Variants in LRRIQ1 observed in about 807,000 individuals in gnomAD.
LRRIQ1 encodes the protein leucine rich repeats and IQ motif containing 1.
LRRIQ1 carries 210 observed loss-of-function variants against 211.9 expected under a neutral mutation model. That is an observed-to-expected ratio of 0.99 (90% CI 0.89 to 1.11). The LOEUF (loss-of-function observed/expected upper bound fraction) is 1.11, where lower values mean the gene tolerates loss of function less well. LRRIQ1 is among the 50% of genes most tolerant of loss of function. The pLI, the probability that LRRIQ1 is intolerant of heterozygous loss-of-function variation, is 0.00. For missense variants in LRRIQ1, 2,136 were observed against 1,939.5 expected, an observed-to-expected ratio of 1.10 and a Z score of -1.90; for synonymous variants, 699 against 650.1, an observed-to-expected ratio of 1.08 and a Z score of -1.14.
chr12:85,075,858 C>CA (rs547104902), intron 11 of LRRIQ1, among the ~76,000 whole-genome samples: 8,608 of 142,796 alleles, frequency 0.06, 825 homozygotes, highest in African/African-American at 0.2. Context: ...GTCTCAAAAA[C>CA]AAAAAAAAAA....
chr12:85,046,601 T>C (rs1879615627), intron 5 of LRRIQ1, among the ~76,000 whole-genome samples: 1 of 152,216 alleles, frequency 6.6e-6, no homozygotes, highest in Admixed American at 6.5e-5. Flanking sequence ...TTAAGATTCC[T>C]CAAGGATCTA....
At chr12:85,221,206 T>C (rs1215560836) in intron 24 of LRRIQ1, among the ~76,000 whole-genome samples, 31 of 152,142 alleles carry the variant, frequency 2.0e-4, no homozygotes, top group Non-Finnish European at 1.6e-4. Flanking sequence ...AATAATTAAA[T>C]TAATCATGTT....
intron 24 of LRRIQ1, among the ~76,000 whole-genome samples, chr12:85,161,822 C>T (rs1292119068): frequency 6.6e-6 from 1 of 152,050 alleles, no homozygotes; most frequent in Non-Finnish European, 1.5e-5. Context: ...AGACAGATCA[C>T]GAGATCAGGA....
At chr12:85,216,608 T>G (rs1894101256) in intron 24 of LRRIQ1, among the ~76,000 whole-genome samples, 2 of 151,714 alleles carry the variant, frequency 1.3e-5, no homozygotes, top group African/African-American at 4.8e-5. Flanking sequence ...CAAAACAAAA[T>G]CATTGAAAAT....
intron 1 of LRRIQ1, among the ~76,000 whole-genome samples, chr12:85,256,229 A>G (rs536318250): frequency 2.0e-5 from 3 of 151,870 alleles, no homozygotes; most frequent in Non-Finnish European, 3.0e-5. Flanking sequence ...TTTATTCTTT[A>G]TTAAAAATTT....
intron 26 of LRRIQ1, among the ~76,000 whole-genome samples, chr12:85,237,455 T>A (rs1895242247): frequency 6.6e-6 from 1 of 151,962 alleles, no homozygotes; most frequent in African/African-American, 2.4e-5. Flanking sequence ...GTTGCAAAAA[T>A]TGGTATAGTG....
the LRRIQ1 span, among the ~76,000 whole-genome samples, chr12:85,270,739 A>G: frequency 1.4e-3 from 213 of 152,254 alleles, no homozygotes; most frequent in African/African-American, 4.7e-3. Context: ...AATGCTTTAG[A>G]TACATTAACT....
At position 85,056,609 on chromosome 12, in the gene LRRIQ1, G is replaced by A. The variant is rs1177408419; in HGVS notation, c.1816G>A (p.Val606Ile). The part of the protein sequence containing the change: ...GLLYKDKDTL[V>I]ISVKQRSLSL... ...ATTATATAAAGATAAGGATACTTTAGTTATTTCAGTGAAACAAAGATCACT... is the reference window on the plus strand; with the variant it reads ...ATTATATAAAGATAAGGATACTTTAATTATTTCAGTGAAACAAAGATCACT... The change falls in exon 8 of 27, where the codon GTT becomes ATT. Residue 606 changes from valine (V) to isoleucine (I), a missense_variant. Val to Ile is a conservative substitution (Grantham distance 29, BLOSUM62 3). Transcript: ENST00000393217. The A allele has an allele frequency of 1.3e-6, 2 of 1,594,048 alleles. No homozygotes were observed. Among genetic ancestry groups the A allele is most frequent in the African/African-American group, 2.7e-5 (2 of 73,574 alleles).
intron 24 of LRRIQ1, among the ~76,000 whole-genome samples, chr12:85,220,178 C>A (rs1427513248): frequency 6.6e-6 from 1 of 152,062 alleles, no homozygotes; most frequent in African/African-American, 2.4e-5. Flanking sequence ...CAACTATGTC[C>A]TCCAAAAACT....
intron 19 of LRRIQ1, among the ~76,000 whole-genome samples, chr12:85,142,395 G>GAAGT (rs1889602630): frequency 6.6e-6 from 1 of 151,342 alleles, no homozygotes; most frequent in Non-Finnish European, 1.5e-5. Context: ...TTGATGTTTT[G>GAAGT]AAGTATATAT....
intron 13 of LRRIQ1, among the ~76,000 whole-genome samples, chr12:85,102,959 AATATATATAT>A (rs1197049295): frequency 1.8e-5 from 2 of 108,500 alleles, no homozygotes; most frequent in Non-Finnish European, 3.5e-5. Context: ...AAAAAAAAAA[AATATATATAT>A]ATATATATAT....
intron 1 of LRRIQ1, among the ~76,000 whole-genome samples, chr12:85,037,003 T>C (rs1878194929): frequency 6.6e-6 from 1 of 152,172 alleles, no homozygotes; most frequent in South Asian, 2.1e-4. Context: ...CAGCTAATCC[T>C]AACTGAGATG....
chr12:85,253,347 C>T (rs1896003188), intron 1 of LRRIQ1, among the ~76,000 whole-genome samples: 1 of 151,992 alleles, frequency 6.6e-6, no homozygotes, highest in Non-Finnish European at 1.5e-5. Flanking sequence ...TTACTATTAT[C>T]TAAGACTATT....
At chr12:85,227,409 T>G (rs571620357) in intron 24 of LRRIQ1, among the ~76,000 whole-genome samples, 1 of 152,288 alleles carries the variant, frequency 6.6e-6, no homozygotes, top group East Asian at 1.9e-4. Context: ...AGATTTGCAT[T>G]TCTCTGATGG....
At chr12:85,265,059 C>T (rs1896392835), downstream of LRRIQ1, among the ~76,000 whole-genome samples, 1 of 151,936 alleles carries the variant, frequency 6.6e-6, no homozygotes, top group Non-Finnish European at 1.5e-5. Context: ...GAGATAGCCC[C>T]GTCCCAAGGT....
intron 24 of LRRIQ1, among the ~76,000 whole-genome samples, chr12:85,177,677 G>A (rs969401850): frequency 1.3e-5 from 2 of 152,130 alleles, no homozygotes; most frequent in Non-Finnish European, 2.9e-5. Flanking sequence ...AGTCCATATT[G>A]AGGATTTGAC....
intron 24 of LRRIQ1, among the ~76,000 whole-genome samples, chr12:85,162,053 A>C (rs1293835445): frequency 6.6e-6 from 1 of 152,044 alleles, no homozygotes; most frequent in Non-Finnish European, 1.5e-5. Context: ...AAAAAAAATT[A>C]ATAATAAAAA....
intron 11 of LRRIQ1, among the ~76,000 whole-genome samples, chr12:85,091,264 A>G: frequency 6.6e-6 from 1 of 152,146 alleles, no homozygotes; most frequent in East Asian, 1.9e-4. Flanking sequence ...TTATTTATTT[A>G]TAGCAATGCA....
chr12:85,216,163 C>T (rs1158664053), intron 24 of LRRIQ1, among the ~76,000 whole-genome samples: 1 of 152,064 alleles, frequency 6.6e-6, no homozygotes, highest in African/African-American at 2.4e-5. Flanking sequence ...TAATGCTATC[C>T]CTCTCCTACC....
Sources: gnomAD v4.1 joint callset for allele counts (sites outside exome capture counted in the v4.1 genomes callset) on GRCh38, gnomAD v4.1.1 for gene constraint, MANE v1.5 for transcripts, NCBI Gene and HGNC (gene_info 2026-07-23, HGNC 2026-07-21) for gene names.